Variants in NCAM2 observed in about 807,000 individuals in gnomAD.
NCAM2 encodes neural cell adhesion molecule 2.
A neutral mutation model predicts 98.1 loss-of-function variants in NCAM2; 30 were observed. The ratio of observed to expected loss-of-function variants is 0.31; its 90% CI spans 0.23 to 0.41. NCAM2 has a LOEUF of 0.41. Ranked by LOEUF, NCAM2 falls within the 10% of genes least tolerant of loss-of-function variation. NCAM2 has a pLI of 1.00. For synonymous variants in NCAM2, 368 were observed against 342.4 expected (o/e 1.07, Z -0.83); for missense variants, 867 against 1,005.8 (o/e 0.86, Z 1.87).
chr21:21,218,876 T>A (rs2070019529), intron 1 of NCAM2, among the ~76,000 whole-genome samples: 1 of 152,194 alleles, frequency 6.6e-6, no homozygotes, highest in Admixed American at 6.5e-5. Context: ...AAACCCTGTT[T>A]CTACTGAAAA....
intron 9 of NCAM2, chr21:21,385,467 G>A (rs1171458445): frequency 4.8e-6 from 2 of 416,594 alleles, no homozygotes; most frequent in African/African-American, 2.1e-5. Context: ...CACCTACAGG[G>A]TAATACTGCT....
chr21:21,088,686 C>T (rs1045165082), intron 1 of NCAM2, among the ~76,000 whole-genome samples: 1 of 152,078 alleles, frequency 6.6e-6, no homozygotes, highest in Non-Finnish European at 1.5e-5. Context: ...TGAGCCTTTC[C>T]AGTCTTAAGA....
chr21:21,257,738 A>G (rs988334871), intron 1 of NCAM2, among the ~76,000 whole-genome samples: 2 of 152,126 alleles, frequency 1.3e-5, no homozygotes, highest in Non-Finnish European at 2.9e-5. Flanking sequence ...ACCCGCCACT[A>G]TGCCTGGCTA....
Position 21,251,334 on chromosome 21 carries a change from C to G in NCAM2, c.56-29244C>G, listed in dbSNP as rs528260182. On this transcript the variant is annotated intron_variant, in intron 1 of 17. Transcript: ENST00000400546. ...CTCTCCCTCTCCTTGCCCCCCACCC[C>G]CTGTGTTGTTCCCCTCCCTGTGTCC... is the stretch of plus-strand genomic sequence containing the variant. 3.3e-5 allele frequency among the ~76,000 whole-genome samples: 5 copies of G among 151,788 alleles called. No individual in the cohort carries two copies. The East Asian group carries it at 5.8e-4, about 18-fold the overall frequency.
Position 21,543,025 on chromosome 21 carries a change from T to C in NCAM2, c.*5068T>C, listed in dbSNP as rs555071625. The C allele has an allele frequency of 2.0e-5, 3 of 151,886 alleles. No individual in the cohort carries two copies. The highest frequency in any genetic ancestry group is 2.9e-5 in the Non-Finnish European group (2 of 67,818). The allele number at this position is 151,886 out of a possible 1,614,324, so 9.4% of individuals were successfully genotyped here. A position where few individuals can be genotyped will look rare whatever the true frequency, so the allele number is the denominator to read the frequency against. On this transcript the variant is annotated 3_prime_UTR_variant, in exon 18 of 18. Coordinates refer to ENST00000400546, the MANE Select transcript of NCAM2 (RefSeq NM_004540.5). ...ATAAAGGTTTTTTTAAAAAAAAAGCTTTTTTGGTATGTGAACTGTATGCTG... is the reference window on the plus strand; with the variant it reads ...ATAAAGGTTTTTTTAAAAAAAAAGCCTTTTTGGTATGTGAACTGTATGCTG...
intron 6 of NCAM2, among the ~76,000 whole-genome samples, chr21:21,328,691 A>C (rs1294341621): frequency 6.6e-6 from 1 of 152,094 alleles, no homozygotes; most frequent in Admixed American, 6.6e-5. Context: ...TTGTACTTTG[A>C]GCTGTTATTA....
intron 1 of NCAM2, among the ~76,000 whole-genome samples, chr21:21,215,643 G>C (rs1201367173): frequency 6.6e-6 from 1 of 152,106 alleles, no homozygotes; most frequent in Non-Finnish European, 1.5e-5. Flanking sequence ...TAGGAGGTTT[G>C]CTTGATCCCG....
At chr21:21,041,184 A>G (rs2064896969) in intron 1 of NCAM2, among the ~76,000 whole-genome samples, 1 of 152,208 alleles carries the variant, frequency 6.6e-6, no homozygotes, top group Non-Finnish European at 1.5e-5. Flanking sequence ...ACAAAGGGTC[A>G]TATAAGAAAC....
chr21:21,295,829 GTCTGTT>G (rs67503207), intron 5 of NCAM2, among the ~76,000 whole-genome samples: 14,471 of 149,156 alleles, frequency 0.097, 1,104 homozygotes, highest in East Asian at 0.32. Context: ...TAGTGCTTTT[GTCTGTT>G]TCTCTCTCTC....
intron 1 of NCAM2, among the ~76,000 whole-genome samples, chr21:21,127,537 A>G (rs1015073): frequency 0.021 from 3,124 of 152,192 alleles, 53 homozygotes; most frequent in Non-Finnish European, 0.032. Context: ...TTATTGTGCT[A>G]TCGAACACTA....
chr21:21,359,572 G>A (rs553679571), intron 8 of NCAM2, among the ~76,000 whole-genome samples: 19 of 151,670 alleles, frequency 1.3e-4, no homozygotes, highest in African/African-American at 3.1e-4. Context: ...AAAAACTGTC[G>A]TCAGTTTTAT....
At chr21:21,442,249 A>G (rs1979402533) in intron 12 of NCAM2, among the ~76,000 whole-genome samples, 1 of 152,180 alleles carries the variant, frequency 6.6e-6, no homozygotes, top group South Asian at 2.1e-4. Context: ...TAAATGAAAG[A>G]CACACAGCAC....
chr21:21,502,065 T>A (rs1488358038), intron 15 of NCAM2, among the ~76,000 whole-genome samples: 3 of 151,972 alleles, frequency 2.0e-5, no homozygotes, highest in Non-Finnish European at 4.4e-5. Flanking sequence ...TTTTGCCTAG[T>A]TGTTTTGCTT....
intron 8 of NCAM2, among the ~76,000 whole-genome samples, chr21:21,371,171 A>C (rs1240294376): frequency 6.6e-6 from 1 of 151,822 alleles, no homozygotes; most frequent in Non-Finnish European, 1.5e-5. Context: ...ACTTACAGGG[A>C]GGGAAAACAG....
rs531643738 is a variant in NCAM2 at position 21,298,013 on chromosome 21, T to G, written c.619+5772T>G. Among the ~76,000 whole-genome samples the G allele has an allele frequency of 5.2e-4, 79 of 151,788 alleles. 1 individual carries two copies. In the South Asian group the frequency reaches 6.0e-3, roughly 12 times the overall value. ...TTTGAACAGTAAAATCAACAGTGGG[T>G]GATAATGGCCAGAGATGTCCGTACA... On this transcript the variant is annotated intron_variant, in intron 5 of 17. Coordinates refer to ENST00000400546, the MANE Select transcript of NCAM2 (RefSeq NM_004540.5).
At chr21:21,025,656 A>G (rs989188374) in intron 1 of NCAM2, among the ~76,000 whole-genome samples, 8 of 152,056 alleles carry the variant, frequency 5.3e-5, no homozygotes, top group Non-Finnish European at 8.8e-5. Flanking sequence ...GTTCTCTTAT[A>G]TCAATATTCA....
chr21:21,515,735 T>C (rs1160088821), intron 16 of NCAM2, among the ~76,000 whole-genome samples: 1 of 152,150 alleles, frequency 6.6e-6, no homozygotes, highest in East Asian at 1.9e-4. Context: ...CATGAACTAA[T>C]ACTGATAAGA....
intron 1 of NCAM2, among the ~76,000 whole-genome samples, chr21:21,008,702 T>C (rs971702016): frequency 1.3e-5 from 2 of 152,190 alleles, no homozygotes; most frequent in South Asian, 4.1e-4. Context: ...ACATATTTAA[T>C]ATCATTATGT....
rs12482127 is a variant in NCAM2, at chr21:21,514,417, A to G, written c.2282+5362A>G. Reference sequence around the variant, plus strand: ...CTTGAACCTCGGAAGTGGAAGTTGCAGTGAGCCATTGTACTCCTGGCTGGG... The same window carrying G: ...CTTGAACCTCGGAAGTGGAAGTTGCGGTGAGCCATTGTACTCCTGGCTGGG... On this transcript the variant is annotated intron_variant, in intron 16 of 17. Transcript: ENST00000400546. Among the ~76,000 whole-genome samples, 621 of 148,496 alleles carry G rather than the reference A, an allele frequency of 4.2e-3. 18 individuals carry two copies. Among genetic ancestry groups the G allele is most frequent in the Admixed American group, 0.04 (584 of 14,634 alleles).
Sources: gnomAD v4.1 joint callset for allele counts (sites outside exome capture counted in the v4.1 genomes callset) on GRCh38, gnomAD v4.1.1 for gene constraint, MANE v1.5 for transcripts, NCBI Gene and HGNC (gene_info 2026-07-23, HGNC 2026-07-21) for gene names.